The following CSMD3 variants were observed in gnomAD, a reference collection of about 807,000 sequenced individuals.
CSMD3 encodes CUB and Sushi multiple domains 3.
CSMD3 carries 177 observed loss-of-function variants against 435.2 expected under a neutral mutation model. The observed-to-expected ratio is 0.41, with a 90% CI of 0.36 to 0.46. The LOEUF (loss-of-function observed/expected upper bound fraction) is 0.46, where lower values mean the gene tolerates loss of function less well. Ranked by LOEUF, CSMD3 falls within the 20% of genes least tolerant of loss-of-function variation. CSMD3 has a pLI of 0.34. For synonymous variants in CSMD3, 1,656 were observed against 1,520.5 expected, an observed-to-expected ratio of 1.09 and a Z score of -2.07; for missense variants, 4,265 against 4,504.6, an observed-to-expected ratio of 0.95 and a Z score of 1.52.
At chr8:112,555,200 C>T (rs547839630) in intron 25 of CSMD3, among the ~76,000 whole-genome samples, 44 of 151,830 alleles carry the variant, frequency 2.9e-4, no homozygotes, top group Non-Finnish European at 1.2e-4. Context: ...TGATTTGCTG[C>T]GAACATAATT....
intron 32 of CSMD3, among the ~76,000 whole-genome samples, chr8:112,438,417 A>G (rs576383713): frequency 2.0e-5 from 3 of 152,260 alleles, no homozygotes; most frequent in African/African-American, 4.8e-5. Flanking sequence ...TCTCTATTTA[A>G]ATGACTAAAT....
At chr8:112,798,151 G>A (rs1377609605) in intron 13 of CSMD3, among the ~76,000 whole-genome samples, 1 of 151,882 alleles carries the variant, frequency 6.6e-6, no homozygotes, top group Non-Finnish European at 1.5e-5. Flanking sequence ...TTGCCTTGAA[G>A]GATGAGCGAG....
At chr8:113,042,010 TAG>T (rs1473322747) in intron 5 of CSMD3, among the ~76,000 whole-genome samples, 1 of 152,202 alleles carries the variant, frequency 6.6e-6, no homozygotes, top group Non-Finnish European at 1.5e-5. Context: ...TAAAACATAC[TAG>T]AATTAATGCT....
chr8:112,586,408 CA>C (rs1217671724), intron 23 of CSMD3, among the ~76,000 whole-genome samples: 4 of 151,048 alleles, frequency 2.6e-5, no homozygotes, highest in Non-Finnish European at 1.5e-5. Context: ...TATTTATATT[CA>C]AAATATAAAT....
At chr8:113,330,447 A>C (rs1408884384) in intron 1 of CSMD3, among the ~76,000 whole-genome samples, 2 of 152,030 alleles carry the variant, frequency 1.3e-5, no homozygotes, top group African/African-American at 4.8e-5. Context: ...TGACAAGAAT[A>C]AGTTCTGCCT....
chr8:113,266,561 C>CTTT (rs1173126712), intron 3 of CSMD3, among the ~76,000 whole-genome samples: 1 of 151,430 alleles, frequency 6.6e-6, no homozygotes, highest in Non-Finnish European at 1.5e-5. Flanking sequence ...AATTATTGGT[C>CTTT]TTTACTATTT....
At chr8:112,723,986 A>T (rs1162736560) in intron 13 of CSMD3, among the ~76,000 whole-genome samples, 2 of 152,076 alleles carry the variant, frequency 1.3e-5, no homozygotes, top group African/African-American at 2.4e-5. Context: ...GAAAAAAAAA[A>T]TACCTGTCCT....
chr8:112,333,049 C>G (rs961431827), intron 45 of CSMD3, among the ~76,000 whole-genome samples: 1 of 152,124 alleles, frequency 6.6e-6, no homozygotes, highest in Non-Finnish European at 1.5e-5. Flanking sequence ...ATCCTCTCAG[C>G]AATTCTATCA....
intron 1 of CSMD3, among the ~76,000 whole-genome samples, chr8:113,315,517 T>G (rs1009977986): frequency 2.6e-5 from 4 of 151,538 alleles, no homozygotes; most frequent in African/African-American, 4.8e-5. Flanking sequence ...ACTGAGAGCA[T>G]GAGTTCTGGA....
intron 3 of CSMD3, among the ~76,000 whole-genome samples, chr8:113,210,083 T>C (rs537904786): frequency 6.6e-6 from 1 of 151,840 alleles, no homozygotes; most frequent in African/African-American, 2.4e-5. Context: ...TACATCCTTA[T>C]TTTATGCTCT....
At chr8:113,172,687 G>A (rs765928684) in intron 4 of CSMD3, among the ~76,000 whole-genome samples, 1 of 152,148 alleles carries the variant, frequency 6.6e-6, no homozygotes, top group African/African-American at 2.4e-5. Context: ...AGCTTGTTGT[G>A]TCTAATTACC....
chr8:113,224,011 A>T (rs2092999144), intron 3 of CSMD3, among the ~76,000 whole-genome samples: 1 of 151,186 alleles, frequency 6.6e-6, no homozygotes, highest in Non-Finnish European at 1.5e-5. Flanking sequence ...ACAACATCTA[A>T]TCTTCAGTTA....
At position 112,522,906 on chromosome 8, in the gene CSMD3, C is replaced by T. The variant is rs79396629; in HGVS notation, c.4565-5681G>A. Among the ~76,000 whole-genome samples, 1,498 of 151,784 alleles carry T rather than the reference C, an allele frequency of 9.9e-3. 23 individuals carry two copies. The highest frequency in any genetic ancestry group is 0.035 in the African/African-American group (1,438 of 41,468). On this transcript the variant is annotated intron_variant, in intron 27 of 70. Coordinates refer to ENST00000297405, the MANE Select transcript of CSMD3 (RefSeq NM_198123.2). The stretch of plus-strand genomic sequence containing the variant: ...TTCACTTAATATAGATTTCACAAGC[C>T]GAGCTGGTGCATATGTAGTTTTCAA...
rs970333378 is a variant in CSMD3 at position 113,103,830 on chromosome 8, G to A, written c.710-4867C>T. ...AAATAAAGATTAGTTGTATTAAAGT[G>A]AAAAGGTTTTTAAAAATAGTTCACT... On this transcript the variant is annotated intron_variant, in intron 4 of 70. Coordinates refer to ENST00000297405, the MANE Select transcript of CSMD3 (RefSeq NM_198123.2). Among the ~76,000 whole-genome samples, 9 of 151,984 alleles carry A rather than the reference G, an allele frequency of 5.9e-5. 1 individual carries two copies. Among genetic ancestry groups the A allele is most frequent in the Admixed American group, 2.6e-4 (4 of 15,254 alleles).
chr8:112,650,215 G>A lies in CSMD3; in HGVS notation c.3139C>T (p.Pro1047Ser), dbSNP rs900382250. Residue 1047 changes from proline (P) to serine (S), a missense_variant, in exon 19 of 71, where the codon CCC becomes TCC. Physicochemically the swap from Pro to Ser is moderately conservative, Grantham distance 74. Coordinates refer to ENST00000297405, the MANE Select transcript of CSMD3 (RefSeq NM_198123.2). Reference protein sequence around the residue: ...DSGYRLSHEEPLLCEKNHWWS... With the variant: ...DSGYRLSHEESLLCEKNHWWS... ...CAGTGGTTTTTTTCGCATAGAAGGGGCTCTTCATGACTCAACCTGTATCCT... is the reference window on the plus strand; with the variant it reads ...CAGTGGTTTTTTTCGCATAGAAGGGACTCTTCATGACTCAACCTGTATCCT... The A allele has an allele frequency of 1.9e-6, 3 of 1,613,712 alleles. No homozygotes were observed. Among genetic ancestry groups the A allele is most frequent in the Non-Finnish European group, 2.5e-6 (3 of 1,179,798 alleles).
intron 61 of CSMD3, among the ~76,000 whole-genome samples, chr8:112,259,179 T>C (rs1312655860): frequency 6.6e-6 from 1 of 152,060 alleles, no homozygotes; most frequent in Non-Finnish European, 1.5e-5. Flanking sequence ...AGTAAAGACT[T>C]GGAACCAACC....
intron 32 of CSMD3, among the ~76,000 whole-genome samples, chr8:112,446,105 C>G (rs1168182497): frequency 6.6e-6 from 1 of 152,038 alleles, no homozygotes; most frequent in Non-Finnish European, 1.5e-5. Flanking sequence ...AATGAACATC[C>G]ATGATAACAC....
At chr8:112,654,045 TAAC>T (rs2075198784) in intron 18 of CSMD3, among the ~76,000 whole-genome samples, 1 of 151,988 alleles carries the variant, frequency 6.6e-6, no homozygotes, top group African/African-American at 2.4e-5. Context: ...GTAAAAAATA[TAAC>T]AGAAACCTGG....
In CSMD3 at chr8:112,290,593, T is replaced by C. The variant is rs567699678; in HGVS notation, c.8974+917A>G. ...AAAGTGTTGTTTCTTCATTAGTACA[T>C]GAATGTTGTCACAAAATGTTCATAA... On this transcript the variant is annotated intron_variant, in intron 56 of 70. Transcript: ENST00000297405. Among the ~76,000 whole-genome samples the C allele has an allele frequency of 1.3e-4, 20 of 148,210 alleles. No homozygotes were observed. In the South Asian group the frequency reaches 4.0e-3, roughly 30 times the overall value.
Sources: allele counts gnomAD v4.1 joint callset (sites outside exome capture counted in the v4.1 genomes callset), GRCh38; gene constraint gnomAD v4.1.1; transcripts MANE v1.5; gene names NCBI Gene and HGNC (gene_info 2026-07-23, HGNC 2026-07-21).